Variants in AGAP3 observed in about 807,000 individuals in gnomAD.
AGAP3 encodes the protein ArfGAP with GTPase domain, ankyrin repeat and PH domain 3.
Under a neutral mutation model 96.9 loss-of-function variants are expected in AGAP3, and 24 were observed. That is an observed-to-expected ratio of 0.25 (90% CI 0.18 to 0.35). AGAP3 has a LOEUF of 0.35. AGAP3 is among the 10% of genes least tolerant of loss of function. The probability of loss-of-function intolerance (pLI) is 1.00; values close to 1 mark genes in which losing one functional copy is unlikely to be tolerated. For missense variants in AGAP3, 876 were observed against 1,254.2 expected, an observed-to-expected ratio of 0.70 and a Z score of 4.55; for synonymous variants, 563 against 536.1, an observed-to-expected ratio of 1.05 and a Z score of -0.69.
In AGAP3 at chr7:151,139,458, AG is replaced by A. The variant is rs1177539607; in HGVS notation, c.1667-519del. 14 of 152,484 alleles carry A rather than the reference AG, an allele frequency of 9.2e-5. No homozygotes were observed. The highest frequency in any genetic ancestry group is 2.6e-4 in the African/African-American group (11 of 41,578). 9.4% of individuals were successfully genotyped at this position (152,484 alleles called of 1,614,324 possible). ...AGGGCCCTCTGTTGAGTCTGGAAGG[AG>A]GAAGGCAGGAAGGGAGGGAGCGTGT... On this transcript the variant is annotated intron_variant, in intron 12 of 17. Coordinates refer to ENST00000397238, the MANE Select transcript of AGAP3 (RefSeq NM_031946.7). The surrounding 1 kb of genome is among the most constrained non-coding windows in gnomAD (Gnocchi z 4.9).
rs773788742 is a variant in AGAP3 at position 151,117,750 on chromosome 7, G to A, written c.679G>A (p.Val227Met). 6.2e-7 allele frequency: 1 copy of A among 1,614,020 alleles called. No homozygotes were observed. The highest frequency in any genetic ancestry group is 8.5e-7 in the Non-Finnish European group (1 of 1,180,008). The change falls in exon 5 of 18, where the codon GTG (valine) becomes ATG (methionine). Residue 227 changes from valine to methionine, a missense_variant. By Grantham distance (21) the Val-to-Met change is conservative (BLOSUM62 1). Transcript: ENST00000397238. ...RLCSFRNASE[V>M]PMVLVGTQDA... is the part of the protein sequence containing the mutation. ...CTGCAGCTTCCGCAACGCCAGCGAG[G>A]TGCCCATGGTGCTTGTGGGCACGCA...
Position 151,133,030 on chromosome 7 carries a change from G to A in AGAP3, c.1327-1370G>A. The stretch of plus-strand genomic sequence containing the variant: ...GGTGAAGGCCGGGCTCCTCAGGGTA[G>A]GAGGAGCGCGTCTGGGAAGGCTCGT... On this transcript the variant is annotated intron_variant, in intron 10 of 17. Transcript: ENST00000397238. The surrounding 1 kb of genome is among the most constrained non-coding windows in gnomAD (Gnocchi z 5.4). 6.6e-6 allele frequency among the ~76,000 whole-genome samples: 1 copy of A among 152,210 alleles called. No homozygotes were observed. Among genetic ancestry groups the A allele is most frequent in the East Asian group, 1.9e-4 (1 of 5,194 alleles).
At position 151,144,274 on chromosome 7, in the gene AGAP3, T is replaced by A; in HGVS notation, c.*331T>A. ...GCCAGCCCCTCACACGCCTTCATCC[T>A]GAAACAGGAAGAGGACGGCACCAAG... is the stretch of plus-strand genomic sequence containing the variant. On this transcript the variant is annotated 3_prime_UTR_variant, in exon 18 of 18. Transcript: ENST00000397238. 1 of 345,524 alleles carries A rather than the reference T, an allele frequency of 2.9e-6. No homozygotes were observed. The highest frequency in any genetic ancestry group is 2.1e-5 in the African/African-American group (1 of 48,298). The allele number at this position is 345,524 out of a possible 1,614,324, so 21.4% of individuals were successfully genotyped here.
At position 151,120,310 on chromosome 7, in the gene AGAP3, C is replaced by T. The variant is rs200468693; in HGVS notation, c.1128+165C>T. Among the ~76,000 whole-genome samples the T allele has an allele frequency of 9.2e-5, 14 of 152,336 alleles. No homozygotes were observed. The East Asian group carries it at 2.5e-3, about 27-fold the overall frequency. On this transcript the variant is annotated intron_variant, in intron 8 of 17. Transcript: ENST00000397238. ...GCTCCCGAGGGTCCTTGCCGGTGCC[C>T]TCAGAGTCTTCCAGACTGTTCTCTG...
intron 9 of AGAP3, among the ~76,000 whole-genome samples, chr7:151,125,827 G>T (rs1433838264): frequency 6.6e-6 from 1 of 152,248 alleles, no homozygotes; most frequent in East Asian, 1.9e-4. Flanking sequence ...CAATTAAGTC[G>T]GCTGGCGGAG....
In AGAP3 at chr7:151,140,159, GT is replaced by G; in HGVS notation, c.1804+44del. On this transcript the variant is annotated intron_variant, in intron 13 of 17. Transcript: ENST00000397238. The surrounding 1 kb of genome is among the most constrained non-coding windows in gnomAD (Gnocchi z 5.4). Reference sequence around the variant, plus strand: ...GGAAACCGGGCACAGGAGGTGGGCAGTGGGACTTGGGGATAGTACCCTAAAA... The same window carrying G: ...GGAAACCGGGCACAGGAGGTGGGCAGGGGACTTGGGGATAGTACCCTAAAA... The G allele has an allele frequency of 6.6e-7, 1 of 1,506,894 alleles. No homozygotes were observed. The allele number at this position is 1,506,894 out of a possible 1,614,324, so 93.3% of individuals were successfully genotyped here. A position where few individuals can be genotyped will look rare whatever the true frequency, so the allele number is the denominator to read the frequency against.
In AGAP3 at chr7:151,123,835, C is replaced by A; in HGVS notation, c.1170C>A (p.Ala390=). The A allele has an allele frequency of 6.2e-7, 1 of 1,612,526 alleles. No individual in the cohort carries two copies. Among genetic ancestry groups the A allele is most frequent in the South Asian group, 1.1e-5 (1 of 91,078 alleles). ...ACCTGGACCGGGAGAAGAAGGCTGC[C>A]GAGTGCAAGGTGGACAGCATCGGGA... is the stretch of plus-strand genomic sequence containing the variant. ...GADLDREKKA[A]ECKVDSIGSG... is the part of the protein sequence containing the mutation. Residue 390 remains alanine, a synonymous_variant, in exon 9 of 18, where the codon GCC becomes GCA. Coordinates refer to ENST00000397238, the MANE Select transcript of AGAP3 (RefSeq NM_031946.7).
chr7:151,107,085 A>C (rs1799086599), intron 1 of AGAP3, among the ~76,000 whole-genome samples: 1 of 151,992 alleles, frequency 6.6e-6, no homozygotes, highest in African/African-American at 2.4e-5. Context: ...CAAGGGAGGT[A>C]GATCACCTGA....
At chr7:151,128,755 TAGCAGACAGGCTCCAGGATGGACGGGA>T in intron 10 of AGAP3, 71 bp downstream of exon 10, 1 of 1,320,116 alleles carries the variant, frequency 7.6e-7, no homozygotes, top group Non-Finnish European at 1.1e-6. Context: ...AGAATGCGGG[TAGCAGACAGGCTCCAGGATGGACGGGA>T]AGCAGACCTT....
chr7:151,123,821 GAGA>G lies in AGAP3; in HGVS notation c.1162_1164del (p.Lys388del), dbSNP rs1454544031. ...TCGGAAGGGTGCTGACCTGGACCGG[GAGA>G]AGAAGGCTGCCGAGTGCAAGGTGGA... On this transcript the variant is annotated inframe_deletion, in exon 9 of 18. Coordinates refer to ENST00000397238, the MANE Select transcript of AGAP3 (RefSeq NM_031946.7). 2.5e-6 allele frequency: 4 copies of G among 1,612,806 alleles called. No homozygotes were observed. The highest frequency in any genetic ancestry group is 2.2e-5 in the South Asian group (2 of 91,088).
intron 1 of AGAP3, chr7:151,115,001 C>T (rs1005922956): frequency 1.4e-4 from 140 of 987,474 alleles, no homozygotes; most frequent in Non-Finnish European, 1.6e-4. Context: ...GCCTTTTGCT[C>T]GGCCTCCTGC....
chr7:151,087,089 G>A lies in AGAP3; in HGVS notation c.331+17G>A. 1.9e-6 allele frequency: 3 copies of A among 1,578,048 alleles called. No individual in the cohort carries two copies. Among genetic ancestry groups the A allele is most frequent in the African/African-American group, 2.7e-5 (2 of 74,466 alleles). Reference sequence around the variant, plus strand: ...CCATCGAGGGTGAGCGGAGCCGGGGGCTGCGGGAGCCGGGGCGCAGTGGCC... The same window carrying A: ...CCATCGAGGGTGAGCGGAGCCGGGGACTGCGGGAGCCGGGGCGCAGTGGCC... On this transcript the variant is annotated intron_variant, in intron 1 of 17. Coordinates refer to ENST00000397238, the MANE Select transcript of AGAP3 (RefSeq NM_031946.7).
chr7:151,139,409 C>T lies in AGAP3; in HGVS notation c.1667-570C>T, dbSNP rs935722295. 2.6e-5 allele frequency among the ~76,000 whole-genome samples: 4 copies of T among 152,178 alleles called. No individual in the cohort carries two copies. Among genetic ancestry groups the T allele is most frequent in the African/African-American group, 9.6e-5 (4 of 41,454 alleles). On this transcript the variant is annotated intron_variant, in intron 12 of 17. Transcript: ENST00000397238. This position sits in a 1 kb window ranked among gnomAD's most constrained non-coding sequence, Gnocchi z 4.9. ...GGGCCCTTCCCTTGGGTCACCGGTC[C>T]GGTGGCCTGTGCTGGCCTGCGTGAG...
chr7:151,139,882 G>A lies in AGAP3; in HGVS notation c.1667-97G>A. ...CTCTCCTGAGTGTGGCCCAGCTACA[G>A]TTGGCAGGACTGGTCCTCTCCTCCT... On this transcript the variant is annotated intron_variant, in intron 12 of 17. Coordinates refer to ENST00000397238, the MANE Select transcript of AGAP3 (RefSeq NM_031946.7). This position sits in a 1 kb window ranked among gnomAD's most constrained non-coding sequence, Gnocchi z 4.9. The A allele has an allele frequency of 5.8e-6, 7 of 1,214,420 alleles. No individual in the cohort carries two copies. Among genetic ancestry groups the A allele is most frequent in the Non-Finnish European group, 7.5e-6 (7 of 930,064 alleles). The allele number at this position is 1,214,420 out of a possible 1,614,324, so 75.2% of individuals were successfully genotyped here.
At chr7:151,132,741 G>A (rs528671873) in intron 10 of AGAP3, among the ~76,000 whole-genome samples, 3 of 152,334 alleles carry the variant, frequency 2.0e-5, no homozygotes, top group South Asian at 4.1e-4. Flanking sequence ...GGTGTTTGGC[G>A]CCTCTTTCCT....
chr7:151,091,229 G>T (rs959554108), intron 1 of AGAP3, among the ~76,000 whole-genome samples: 2 of 152,230 alleles, frequency 1.3e-5, no homozygotes, highest in African/African-American at 2.4e-5. Context: ...AGGACTGGGG[G>T]GGTCTGGGAT....
intron 8 of AGAP3, 111 bp from the exon 9 acceptor site, chr7:151,123,683 C>A: frequency 1.9e-6 from 3 of 1,574,636 alleles, no homozygotes; most frequent in Non-Finnish European, 2.6e-6. Flanking sequence ...GCCCGACCCA[C>A]TGCTAGGGCT....
At chr7:151,134,891 G>A (rs1800534562) in intron 11 of AGAP3, among the ~76,000 whole-genome samples, 2 of 152,166 alleles carry the variant, frequency 1.3e-5, no homozygotes, top group South Asian at 2.1e-4. Flanking sequence ...ATGCCTCTGG[G>A]TGCATGGCCG....
In AGAP3 at chr7:151,099,118, C is replaced by T. The variant is rs546166698; in HGVS notation, c.331+12046C>T. Among the ~76,000 whole-genome samples the T allele has an allele frequency of 5.1e-3, 769 of 151,874 alleles. 3 individuals are homozygous for T. Among genetic ancestry groups the T allele is most frequent in the Non-Finnish European group, 7.4e-3 (503 of 67,926 alleles). ...CAGCACTTTGGGAGGCCGAGGCAGG[C>T]GGATCACGAGGTCAGGAGATCGAGA... On this transcript the variant is annotated intron_variant, in intron 1 of 17. Coordinates refer to ENST00000397238, the MANE Select transcript of AGAP3 (RefSeq NM_031946.7).
Sources: gnomAD v4.1 joint callset for allele counts (sites outside exome capture counted in the v4.1 genomes callset) on GRCh38, gnomAD v4.1.1 for gene constraint, Gnocchi (gnomAD v3.1) non-coding constraint, MANE v1.5 for transcripts, NCBI Gene and HGNC (gene_info 2026-07-23, HGNC 2026-07-21) for gene names.